Variants in XKR9 observed in about 807,000 individuals in gnomAD.
XKR9 encodes the protein XK-related protein 9.
XKR9 carries 32 observed loss-of-function variants against 32.0 expected under a neutral mutation model. The ratio of observed to expected loss-of-function variants is 1.00; its 90% CI spans 0.76 to 1.34. The LOEUF (loss-of-function observed/expected upper bound fraction) is 1.34. XKR9 is among the 40% of genes most tolerant of loss of function. The probability of loss-of-function intolerance (pLI) is 0.00; values close to 1 mark genes in which losing one functional copy is unlikely to be tolerated. For synonymous variants in XKR9, 168 were observed against 143.4 expected (o/e 1.17, Z -1.22); for missense variants, 546 against 429.7 (o/e 1.27, Z -2.39).
the XKR9 span, among the ~76,000 whole-genome samples, chr8:70,968,333 C>T: frequency 1.3e-5 from 2 of 152,082 alleles, no homozygotes; most frequent in Non-Finnish European, 2.9e-5. Context: ...GTTGTCAGCT[C>T]CTGTATTATT....
At chr8:71,010,202 A>G in the XKR9 span, among the ~76,000 whole-genome samples, 1 of 152,200 alleles carries the variant, frequency 6.6e-6, no homozygotes, top group East Asian at 1.9e-4. Flanking sequence ...ATGACAGCTG[A>G]TAAGAAGTGT....
chr8:70,819,364 A>G, the XKR9 span, among the ~76,000 whole-genome samples: 4 of 152,244 alleles, frequency 2.6e-5, no homozygotes, highest in Non-Finnish European at 5.9e-5. Context: ...AAAGAGAATC[A>G]TACCTCTTAG....
the XKR9 span, among the ~76,000 whole-genome samples, chr8:70,904,614 A>G: frequency 5.9e-5 from 9 of 152,142 alleles, no homozygotes; most frequent in African/African-American, 1.4e-4. Context: ...CATTTAGTCC[A>G]TTTACATTTA....
the XKR9 span, among the ~76,000 whole-genome samples, chr8:71,015,607 G>T: frequency 6.6e-6 from 1 of 152,122 alleles, no homozygotes; most frequent in Non-Finnish European, 1.5e-5. Flanking sequence ...TGAAAGCCCA[G>T]CAGACTTATG....
chr8:70,811,662 C>A, the XKR9 span, among the ~76,000 whole-genome samples: 1 of 152,282 alleles, frequency 6.6e-6, no homozygotes, highest in Non-Finnish European at 1.5e-5. Flanking sequence ...ACTACAAACA[C>A]CTCTACACAA....
At chr8:71,048,403 G>T in the XKR9 span, among the ~76,000 whole-genome samples, 1 of 152,048 alleles carries the variant, frequency 6.6e-6, no homozygotes, top group East Asian at 1.9e-4. Flanking sequence ...TAAGGTAATA[G>T]AAATCTATTA....
the XKR9 span, among the ~76,000 whole-genome samples, chr8:70,802,503 G>A: frequency 1.3e-3 from 201 of 152,242 alleles, no homozygotes; most frequent in Admixed American, 2.2e-3. Flanking sequence ...TATATGTGTG[G>A]GTTTGAACCT....
the XKR9 span, among the ~76,000 whole-genome samples, chr8:70,847,042 T>G: frequency 1.3e-5 from 2 of 152,018 alleles, no homozygotes; most frequent in African/African-American, 4.8e-5. Context: ...GAATACACAT[T>G]CTTCTCATCA....
chr8:70,801,175 T>A, the XKR9 span, among the ~76,000 whole-genome samples: 1 of 152,164 alleles, frequency 6.6e-6, no homozygotes, highest in Non-Finnish European at 1.5e-5. Flanking sequence ...TGTCTCAGTT[T>A]GCTTCCATTC....
At chr8:70,790,479 G>GA (rs1563481713), downstream of XKR9, 1 of 151,990 alleles carries the variant, frequency 6.6e-6, no homozygotes, top group East Asian at 1.9e-4. Context: ...GAAATGCTCT[G>GA]ACTCCCCTTT....
chr8:70,812,749 C>T, the XKR9 span, among the ~76,000 whole-genome samples: 7 of 152,232 alleles, frequency 4.6e-5, no homozygotes, highest in East Asian at 1.4e-3. Flanking sequence ...TATGAAGGAC[C>T]TCTTCAAGGA....
the XKR9 span, among the ~76,000 whole-genome samples, chr8:70,961,543 T>C: frequency 6.6e-6 from 1 of 152,230 alleles, no homozygotes; most frequent in Non-Finnish European, 1.5e-5. Flanking sequence ...GCCTGAAATA[T>C]ATTTTCTTTA....
chr8:70,687,312 C>CTCCTT (rs751381873), intron 3 of XKR9, among the ~76,000 whole-genome samples: 7 of 138,252 alleles, frequency 5.1e-5, no homozygotes, highest in African/African-American at 1.1e-4. Context: ...TCTCTCCTCC[C>CTCCTT]TCTTTCTTTC....
the XKR9 span, among the ~76,000 whole-genome samples, chr8:71,012,630 C>T: frequency 6.6e-6 from 1 of 152,152 alleles, no homozygotes; most frequent in Non-Finnish European, 1.5e-5. Flanking sequence ...TCATTGCACT[C>T]CTACCATATG....
chr8:70,993,602 C>T, the XKR9 span, among the ~76,000 whole-genome samples: 2 of 3,426 alleles, frequency 5.8e-4, no homozygotes, highest in African/African-American at 1.5e-3. Context: ...CATAGGACAT[C>T]TTCCTTCCTT....
the XKR9 span, among the ~76,000 whole-genome samples, chr8:70,838,336 A>G: frequency 5.1e-4 from 78 of 152,112 alleles, 1 homozygote; most frequent in Admixed American, 9.8e-4. Context: ...GAGAGAATGC[A>G]TGTATGTACT....
At chr8:70,893,982 T>C in the XKR9 span, among the ~76,000 whole-genome samples, 1 of 152,028 alleles carries the variant, frequency 6.6e-6, no homozygotes, top group Non-Finnish European at 1.5e-5. Flanking sequence ...ACTGAGGCAC[T>C]CCCTGGCATC....
intron 2 of XKR9, among the ~76,000 whole-genome samples, chr8:70,765,749 T>G (rs1220753073): frequency 1.3e-5 from 2 of 152,220 alleles, no homozygotes; most frequent in Non-Finnish European, 2.9e-5. Flanking sequence ...GTCTTACATT[T>G]AAGTCTTGAA....
At chr8:70,981,422 A>G in the XKR9 span, among the ~76,000 whole-genome samples, 7 of 151,978 alleles carry the variant, frequency 4.6e-5, no homozygotes, top group Admixed American at 4.6e-4. Context: ...CTGCTTGTTC[A>G]GTTCGATTGC....
Sources: gnomAD v4.1 joint callset for allele counts (sites outside exome capture counted in the v4.1 genomes callset) on GRCh38, gnomAD v4.1.1 for gene constraint, MANE v1.5 for transcripts, NCBI Gene and HGNC (gene_info 2026-07-23, HGNC 2026-07-21) for gene names.